MID2: variants seen among roughly 807,000 people sequenced by gnomAD.
MID2 encodes the protein probable E3 ubiquitin-protein ligase MID2.
Under a neutral mutation model 46.1 loss-of-function variants are expected in MID2, and 13 were observed. The ratio of observed to expected loss-of-function variants is 0.28; its 90% CI spans 0.18 to 0.45. The LOEUF (loss-of-function observed/expected upper bound fraction) is 0.45, where lower values mean the gene tolerates loss of function less well. Among genes scored for constraint, MID2 ranks in the 20% least tolerant of loss-of-function variants. The pLI, the probability that MID2 is intolerant of heterozygous loss-of-function variation, is 1.00. For missense variants in MID2, 431 were observed against 575.4 expected (o/e 0.75, Z 2.57); for synonymous variants, 199 against 212.3 (o/e 0.94, Z 0.55).
intron 2 of MID2, among the ~76,000 whole-genome samples, chrX:107,845,330 GA>G (rs1214079016): frequency 4.5e-5 from 5 of 111,391 alleles, no homozygotes; most frequent in African/African-American, 1.6e-4. Flanking sequence ...GGGAATAGAG[GA>G]ATTTCCTGAA....
At position 107,841,176 on chromosome X, in the gene MID2, C is replaced by A; in HGVS notation, c.511C>A (p.Pro171Thr). Reference protein sequence around the residue: ...YCDRCLRATHPNKKPFTSHRL... With the variant: ...YCDRCLRATHTNKKPFTSHRL... ...TGACCGTTGCCTGCGGGCCACGCAC[C>A]CCAACAAGAAACCTTTCACCAGCCA... Residue 171 changes from proline (P) to threonine (T), a missense_variant, in exon 2 of 10, where the codon CCC becomes ACC. Pro to Thr is a conservative substitution (Grantham distance 38). Coordinates refer to ENST00000262843, the MANE Select transcript of MID2 (RefSeq NM_012216.4). 2 of 1,211,356 alleles carry A rather than the reference C, an allele frequency of 1.7e-6. No individual in the cohort carries two copies. Among genetic ancestry groups the A allele is most frequent in the Non-Finnish European group, 2.2e-6 (2 of 895,372 alleles).
In MID2 at chrX:107,929,138, G is replaced by A. The variant is rs1208359464; in HGVS notation, c.*2065G>A. ...TGTAAACTGTCTTAGCTCAGCGCTT[G>A]ACATTTCCTAAGTGTGCCATAAATA... On this transcript the variant is annotated 3_prime_UTR_variant, in exon 10 of 10. Coordinates refer to ENST00000262843, the MANE Select transcript of MID2 (RefSeq NM_012216.4). 9.0e-6 allele frequency among the ~76,000 whole-genome samples: 1 copy of A among 111,625 alleles called. No individual in the cohort carries two copies. The highest frequency in any genetic ancestry group is 9.5e-5 in the Admixed American group (1 of 10,512).
intron 3 of MID2, among the ~76,000 whole-genome samples, chrX:107,863,775 A>T (rs1931903156): frequency 8.9e-6 from 1 of 112,327 alleles, no homozygotes; most frequent in African/African-American, 3.2e-5. Context: ...AACAACTATC[A>T]CCACAGCAGA....
intron 7 of MID2, 56 bp from the exon 8 acceptor site, chrX:107,924,287 T>G (rs1050934988): frequency 1.2e-5 from 13 of 1,117,459 alleles, no homozygotes; most frequent in African/African-American, 3.6e-5. Context: ...CAGTGTGTTT[T>G]TCATTCTGTC....
intron 3 of MID2, among the ~76,000 whole-genome samples, chrX:107,893,295 T>G: frequency 8.9e-6 from 1 of 112,907 alleles, no homozygotes; most frequent in Non-Finnish European, 1.9e-5. Context: ...TGTCAGTGCT[T>G]CTTTTTACTG....
rs887944375 is a variant in MID2 at position 107,927,157 on chromosome X, G to C, written c.*84G>C. ...ACCTAAGTTAGCGTTCAATATACGA[G>C]ACACAAAATAAAGTTTGTTTGAAGC... On this transcript the variant is annotated 3_prime_UTR_variant, in exon 10 of 10. Transcript: ENST00000262843. 1.9e-5 allele frequency: 17 copies of C among 876,731 alleles called. No individual in the cohort carries two copies. The highest frequency in any genetic ancestry group is 2.5e-5 in the Non-Finnish European group (16 of 647,791). 72.3% of individuals were successfully genotyped at this position (876,731 alleles called of 1,213,427 possible).
At chrX:107,835,771 A>C (rs1375059515) in intron 1 of MID2, among the ~76,000 whole-genome samples, 1 of 112,032 alleles carries the variant, frequency 8.9e-6, no homozygotes, top group African/African-American at 3.2e-5. Flanking sequence ...CAGATATAAT[A>C]ATATGATTTG....
At chrX:107,864,805 A>T (rs1156919585) in intron 3 of MID2, among the ~76,000 whole-genome samples, 1 of 112,024 alleles carries the variant, frequency 8.9e-6, no homozygotes, top group Non-Finnish European at 1.9e-5. Context: ...TTAGAAGTAC[A>T]CATACAGCCA....
At chrX:107,895,976 A>G (rs1268139839) in intron 3 of MID2, 2 of 112,502 alleles carry the variant, frequency 1.8e-5, no homozygotes, top group African/African-American at 6.5e-5. Context: ...TTTCTGCCTC[A>G]TTTCACAAAA....
At chrX:107,833,431 T>TATA (rs199827104) in intron 1 of MID2, among the ~76,000 whole-genome samples, 1,767 of 106,118 alleles carry the variant, frequency 0.017, 43 homozygotes, top group African/African-American at 0.058. Context: ...ATATATATAT[T>TATA]TTTTTTAAAA....
chrX:107,910,768 TTTTCCTTTCCTTTCC>T, intron 5 of MID2, among the ~76,000 whole-genome samples: 1 of 20,018 alleles, frequency 5.0e-5, no homozygotes, highest in East Asian at 2.3e-3. Flanking sequence ...CTGTTATAGA[TTTTCCTTTCCTTTCC>T]TTTCCTTTCC....
At chrX:107,900,567 C>T (rs1932787253) in intron 3 of MID2, among the ~76,000 whole-genome samples, 1 of 111,484 alleles carries the variant, frequency 9.0e-6, no homozygotes, top group African/African-American at 3.3e-5. Flanking sequence ...AACAAGTTCA[C>T]TGTGGTACTT....
chrX:107,889,045 G>T (rs776042561), intron 3 of MID2, among the ~76,000 whole-genome samples: 116 of 111,303 alleles, frequency 1.0e-3, no homozygotes, highest in African/African-American at 3.5e-3. Flanking sequence ...CCTGAATACA[G>T]CACACTGATG....
chrX:107,904,279 C>T (rs1410700801), intron 4 of MID2, among the ~76,000 whole-genome samples: 3 of 111,484 alleles, frequency 2.7e-5, no homozygotes, highest in East Asian at 2.8e-4. Flanking sequence ...ACCTGGTTTA[C>T]GTGGGTGTAT....
At chrX:107,857,635 A>C (rs1467554808) in intron 3 of MID2, among the ~76,000 whole-genome samples, 1 of 111,768 alleles carries the variant, frequency 8.9e-6, no homozygotes, top group Non-Finnish European at 1.9e-5. Context: ...ATCCTCATTC[A>C]ACACAGAGCC....
At chrX:107,871,753 G>A (rs748604251) in intron 3 of MID2, among the ~76,000 whole-genome samples, 18 of 110,969 alleles carry the variant, frequency 1.6e-4, no homozygotes, top group Admixed American at 7.6e-4. Flanking sequence ...AAGCAACACC[G>A]TAAAGCCGTC....
Position 107,929,856 on chromosome X carries a change from C to A in MID2, c.*2783C>A, listed in dbSNP as rs1247375387. Among the ~76,000 whole-genome samples the A allele has an allele frequency of 9.0e-6, 1 of 111,681 alleles. No homozygotes were observed. Among genetic ancestry groups the A allele is most frequent in the African/African-American group, 3.3e-5 (1 of 30,716 alleles). On this transcript the variant is annotated 3_prime_UTR_variant, in exon 10 of 10. Coordinates refer to ENST00000262843, the MANE Select transcript of MID2 (RefSeq NM_012216.4). ...CACCCCAAGCATCCCCCTCTCTCAG[C>A]AATAATCACATTGTATAGCAGTGTT...
At position 107,915,998 on chromosome X, in the gene MID2, T is replaced by C; in HGVS notation, c.1074-4T>C. Reference sequence around the variant, plus strand: ...GTATATTGATGTACTTTTCTCTTTTTCAGGGTCGCTATGGCAACTGCATCT... The same window carrying C: ...GTATATTGATGTACTTTTCTCTTTTCCAGGGTCGCTATGGCAACTGCATCT... On this transcript the variant is annotated splice_polypyrimidine_tract_variant and splice_region_variant and intron_variant, in intron 5 of 9. Coordinates refer to ENST00000262843, the MANE Select transcript of MID2 (RefSeq NM_012216.4). 8.3e-7 allele frequency: 1 copy of C among 1,203,046 alleles called. No individual in the cohort carries two copies. Among genetic ancestry groups the C allele is most frequent in the Non-Finnish European group, 1.1e-6 (1 of 892,487 alleles).
At position 107,859,519 on chromosome X, in the gene MID2, T is replaced by G. The variant is rs1354153221; in HGVS notation, c.816+4815T>G. ...GGAAAATGGTGCCTTAAGCACTGGG[T>G]GTATACAGATAAATAGGAAATGGCA... is the stretch of plus-strand genomic sequence containing the variant. On this transcript the variant is annotated intron_variant, in intron 3 of 9. Coordinates refer to ENST00000262843, the MANE Select transcript of MID2 (RefSeq NM_012216.4). Among the ~76,000 whole-genome samples, 6 of 111,850 alleles carry G rather than the reference T, an allele frequency of 5.4e-5. No homozygotes were observed. In the South Asian group the frequency reaches 1.5e-3, roughly 28 times the overall value.
Sources: allele counts gnomAD v4.1 joint callset (sites outside exome capture counted in the v4.1 genomes callset), GRCh38; gene constraint gnomAD v4.1.1; transcripts MANE v1.5; gene names NCBI Gene and HGNC (gene_info 2026-07-23, HGNC 2026-07-21).